SCYL3: variants seen among roughly 807,000 people sequenced by gnomAD.
The protein encoded by SCYL3 is protein-associating with the carboxyl-terminal domain of ezrin.
Under a neutral mutation model 73.8 loss-of-function variants are expected in SCYL3, and 35 were observed. That is an observed-to-expected ratio of 0.47 (90% CI 0.36 to 0.63). The LOEUF (loss-of-function observed/expected upper bound fraction) is 0.63. Among genes scored for constraint, SCYL3 ranks in the 20% least tolerant of loss-of-function variants. The pLI is 0.00. For synonymous variants in SCYL3, 277 were observed against 295.2 expected, an observed-to-expected ratio of 0.94 and a Z score of 0.63; for missense variants, 712 against 798.9, an observed-to-expected ratio of 0.89 and a Z score of 1.31.
intron 10 of SCYL3, 137 bp downstream of exon 10, chr1:169,862,470 CAATTTT>C (rs1417912824): frequency 1.2e-6 from 1 of 849,654 alleles, no homozygotes; most frequent in African/African-American, 1.7e-5. Flanking sequence ...AATGGAAATG[CAATTTT>C]AATTTCAGCA....
chr1:169,850,418 C>A lies in SCYL3; in HGVS notation c.*3295G>T. The A allele has an allele frequency of 3.1e-6, 3 of 982,676 alleles. No individual in the cohort carries two copies. The highest frequency in any genetic ancestry group is 1.5e-5 in the South Asian group (1 of 68,326). The allele number at this position is 982,676 out of a possible 1,614,324, so 60.9% of individuals were successfully genotyped here. Reference sequence around the variant, plus strand: ...TTTTCCGAAATTATGTAACTGTAACCAACCTGAGTGTCTTCTTAGCTTAAA... The same window carrying A: ...TTTTCCGAAATTATGTAACTGTAACAAACCTGAGTGTCTTCTTAGCTTAAA... On this transcript the variant is annotated 3_prime_UTR_variant, in exon 13 of 13. Transcript: ENST00000367771.
chr1:169,874,442 G>C (rs761958850), intron 4 of SCYL3, among the ~76,000 whole-genome samples: 7 of 152,180 alleles, frequency 4.6e-5, no homozygotes, highest in Non-Finnish European at 7.4e-5. Context: ...GGAATGCCTA[G>C]GGGAAGGAGT....
chr1:169,890,162 C>T (rs1232789450), intron 1 of SCYL3, among the ~76,000 whole-genome samples: 2 of 152,238 alleles, frequency 1.3e-5, no homozygotes, highest in East Asian at 3.8e-4. Flanking sequence ...ACCAGGACTG[C>T]AGTTTCAGAA....
At chr1:169,881,834 C>T (rs1413450051) in intron 2 of SCYL3, among the ~76,000 whole-genome samples, 2 of 152,226 alleles carry the variant, frequency 1.3e-5, no homozygotes, top group African/African-American at 2.4e-5. Flanking sequence ...TACCTCAAAT[C>T]ATCAGGCATT....
intron 10 of SCYL3, among the ~76,000 whole-genome samples, chr1:169,861,984 G>A (rs1659680302): frequency 6.6e-6 from 1 of 152,216 alleles, no homozygotes; most frequent in Non-Finnish European, 1.5e-5. Context: ...AAATACCAAG[G>A]ATTGCTGGGA....
Position 169,849,737 on chromosome 1 carries a change from T to C in SCYL3, c.*3976A>G, listed in dbSNP as rs1657860758. The C allele has an allele frequency of 1.5e-6, 1 of 672,372 alleles. No homozygotes were observed. The highest frequency in any genetic ancestry group is 2.5e-6 in the Non-Finnish European group (1 of 395,894). 41.7% of individuals were successfully genotyped at this position (672,372 alleles called of 1,614,324 possible). ...GAAAATTGTCTGAAGGGTACATTAC[T>C]CGTTATCTCTTTTACAGCTTCTCAA... On this transcript the variant is annotated 3_prime_UTR_variant, in exon 13 of 13. Transcript: ENST00000367771.
intron 11 of SCYL3, among the ~76,000 whole-genome samples, chr1:169,858,063 A>G (rs1426159772): frequency 6.6e-6 from 1 of 152,234 alleles, no homozygotes; most frequent in Non-Finnish European, 1.5e-5. Context: ...TACAGTTTAT[A>G]AACACTACAC....
intron 9 of SCYL3, 26 bp from the exon 10 acceptor site, chr1:169,862,823 A>G (rs763011607): frequency 1.9e-6 from 3 of 1,608,246 alleles, no homozygotes; most frequent in Admixed American, 3.4e-5. Flanking sequence ...AAGGTTACAG[A>G]TGAAAAAACA....
At chr1:169,858,809 ACT>A (rs1310595048) in intron 11 of SCYL3, among the ~76,000 whole-genome samples, 2 of 151,628 alleles carry the variant, frequency 1.3e-5, no homozygotes, top group South Asian at 2.1e-4. Context: ...GTGGTACATG[ACT>A]CTCTATGCAC....
At position 169,857,644 on chromosome 1, in the gene SCYL3, A is replaced by G. The variant is rs1437493451; in HGVS notation, c.1312+1397T>C. Among the ~76,000 whole-genome samples the G allele has an allele frequency of 3.3e-5, 5 of 152,236 alleles. No homozygotes were observed. The East Asian group carries it at 5.8e-4, about 18-fold the overall frequency. Reference sequence around the variant, plus strand: ...CTTTCAAAGAGTAAGTTAGACTTCTATGTATTGGGAGACAGGTCCCTGATA... The same window carrying G: ...CTTTCAAAGAGTAAGTTAGACTTCTGTGTATTGGGAGACAGGTCCCTGATA... On this transcript the variant is annotated intron_variant, in intron 11 of 12. Coordinates refer to ENST00000367771, the MANE Select transcript of SCYL3 (RefSeq NM_020423.7).
chr1:169,892,315 T>C (rs1163245891), intron 1 of SCYL3, among the ~76,000 whole-genome samples: 1 of 152,202 alleles, frequency 6.6e-6, no homozygotes, highest in East Asian at 1.9e-4. Context: ...CTAGAGTGCA[T>C]TGGCGCTATC....
intron 3 of SCYL3, among the ~76,000 whole-genome samples, chr1:169,878,170 C>A (rs911304396): frequency 6.6e-6 from 1 of 152,146 alleles, no homozygotes; most frequent in Admixed American, 6.5e-5. Flanking sequence ...CCCAACTACT[C>A]AAATGGGAAA....
Position 169,854,444 on chromosome 1 carries a change from CTTT to C in SCYL3, c.1830_1832del (p.Lys612del), listed in dbSNP as rs747584587. 2.5e-6 allele frequency: 4 copies of C among 1,613,862 alleles called. No homozygotes were observed. The South Asian group carries it at 3.3e-5, about 13-fold the overall frequency. ...CCATCTCAGGATCTTTTACTGGCTTCTTTTTTACTTGAATGGTGAATTCCTCTC... is the reference window on the plus strand; with the variant it reads ...CCATCTCAGGATCTTTTACTGGCTTCTTTACTTGAATGGTGAATTCCTCTC... On this transcript the variant is annotated inframe_deletion, in exon 12 of 13. Coordinates refer to ENST00000367771, the MANE Select transcript of SCYL3 (RefSeq NM_020423.7).
chr1:169,854,392 T>C lies in SCYL3; in HGVS notation c.1885A>G (p.Ile629Val), dbSNP rs1384928573. 1.2e-6 allele frequency: 2 copies of C among 1,614,104 alleles called. No individual in the cohort carries two copies. Among genetic ancestry groups the C allele is most frequent in the South Asian group, 2.2e-5 (2 of 91,082 alleles). ...ATAAGAAAAGCAGCAGAAGGCTTAA[T>C]TTCTGGGATCATATCAGCAAACCAA... ...MDWFADMIPE[I>V]KPSAAFLILP... is the part of the protein sequence containing the mutation. The change falls in exon 12 of 13, where the codon ATT becomes GTT. Residue 629 changes from isoleucine to valine, a missense_variant. By Grantham distance (29) the Ile-to-Val change is conservative. This residue lies in a region of SCYL3 where 370 missense variants were observed against 350.8 expected (regional missense o/e 1.05). Coordinates refer to ENST00000367771, the MANE Select transcript of SCYL3 (RefSeq NM_020423.7).
rs1410933882 is a variant in SCYL3 at position 169,852,875 on chromosome 1, C to T, written c.*838G>A. 6 of 1,614,078 alleles carry T rather than the reference C, an allele frequency of 3.7e-6. No individual in the cohort carries two copies. The highest frequency in any genetic ancestry group is 5.1e-6 in the Non-Finnish European group (6 of 1,179,990). Reference sequence around the variant, plus strand: ...CATACAATAGCAGGGGCTTTGGAAGCAACTGAGTCACTACTCCAAAAGGGT... The same window carrying T: ...CATACAATAGCAGGGGCTTTGGAAGTAACTGAGTCACTACTCCAAAAGGGT... On this transcript the variant is annotated 3_prime_UTR_variant, in exon 13 of 13. Transcript: ENST00000367771.
chr1:169,862,604 G>A lies in SCYL3; in HGVS notation c.1140+9C>T, dbSNP rs1659731235. On this transcript the variant is annotated intron_variant, in intron 10 of 12. Coordinates refer to ENST00000367771, the MANE Select transcript of SCYL3 (RefSeq NM_020423.7). ...CTGTGACTACCCCACTGCAAACTTGGCCTCTGACCTGTGGCAAGATGACTT... is the reference window on the plus strand; with the variant it reads ...CTGTGACTACCCCACTGCAAACTTGACCTCTGACCTGTGGCAAGATGACTT... The A allele has an allele frequency of 1.2e-6, 2 of 1,613,470 alleles. No individual in the cohort carries two copies. The highest frequency in any genetic ancestry group is 1.3e-5 in the African/African-American group (1 of 74,878).
At position 169,852,938 on chromosome 1, in the gene SCYL3, T is replaced by G. The variant is rs1658599566; in HGVS notation, c.*775A>C. The G allele has an allele frequency of 1.9e-6, 3 of 1,613,994 alleles. No homozygotes were observed. The highest frequency in any genetic ancestry group is 2.5e-6 in the Non-Finnish European group (3 of 1,179,996). ...TGGCTTTCAATGGAAATGGAGGCGCTCCAAGAAAGGATGGATAAGCTAAAA... is the reference window on the plus strand; with the variant it reads ...TGGCTTTCAATGGAAATGGAGGCGCGCCAAGAAAGGATGGATAAGCTAAAA... On this transcript the variant is annotated 3_prime_UTR_variant, in exon 13 of 13. Coordinates refer to ENST00000367771, the MANE Select transcript of SCYL3 (RefSeq NM_020423.7).
In SCYL3 at chr1:169,852,860, C is replaced by T. The variant is rs773164667; in HGVS notation, c.*853G>A. On this transcript the variant is annotated 3_prime_UTR_variant, in exon 13 of 13. Coordinates refer to ENST00000367771, the MANE Select transcript of SCYL3 (RefSeq NM_020423.7). ...TACAGGTCAGCGCTGCATACAATAG[C>T]AGGGGCTTTGGAAGCAACTGAGTCA... 4 of 1,614,068 alleles carry T rather than the reference C, an allele frequency of 2.5e-6. No homozygotes were observed. In the East Asian group the frequency reaches 6.7e-5, roughly 27 times the overall value.
intron 4 of SCYL3, among the ~76,000 whole-genome samples, chr1:169,874,048 T>C (rs1044224584): frequency 6.6e-6 from 1 of 152,224 alleles, no homozygotes; most frequent in African/African-American, 2.4e-5. Context: ...TTTCCTTATA[T>C]GGAAATTAGA....
Sources: allele counts gnomAD v4.1 joint callset (sites outside exome capture counted in the v4.1 genomes callset), GRCh38; gene constraint gnomAD v4.1.1; regional missense constraint gnomAD v4.1.1; transcripts MANE v1.5; gene names NCBI Gene and HGNC (gene_info 2026-07-23, HGNC 2026-07-21).